The following GNRH1 variants were observed in gnomAD, a reference collection of about 807,000 sequenced individuals.
GNRH1 encodes the protein progonadoliberin-1.
In GNRH1, 9 loss-of-function variants were observed where a neutral mutation model predicts 13.6. The ratio of observed to expected loss-of-function variants is 0.66; its 90% CI spans 0.40 to 1.15. GNRH1 has a LOEUF of 1.15. GNRH1 is among the 50% of genes most tolerant of loss of function. The probability of loss-of-function intolerance (pLI) is 0.01; values close to 1 mark genes in which losing one functional copy is unlikely to be tolerated. For synonymous variants in GNRH1, 44 were observed against 40.1 expected (o/e 1.10, Z -0.37); for missense variants, 116 against 110.8 (o/e 1.05, Z -0.21).
intron 2 of GNRH1, 73 bp downstream of exon 2, chr8:25,423,117 C>T: frequency 9.2e-7 from 1 of 1,081,528 alleles, no homozygotes; most frequent in Non-Finnish European, 1.4e-6. Flanking sequence ...GACATTGGGG[C>T]TATCCTGAAT....
chr8:25,420,286 T>C (rs761388997), intron 3 of GNRH1, among the ~76,000 whole-genome samples: 13 of 151,702 alleles, frequency 8.6e-5, no homozygotes, highest in Admixed American at 3.9e-4. Context: ...TGGTGGCTCA[T>C]GCCTGTAATC....
chr8:25,420,508 C>T (rs760074391), intron 3 of GNRH1, among the ~76,000 whole-genome samples: 32 of 152,178 alleles, frequency 2.1e-4, no homozygotes, highest in Non-Finnish European at 2.9e-4. Context: ...TTTATTTGGG[C>T]TTTCCCAGCT....
At position 25,421,570 on chromosome 8, in the gene GNRH1, T is replaced by C. The variant is rs1271979684; in HGVS notation, c.237+3A>G. The C allele has an allele frequency of 4.7e-6, 7 of 1,498,614 alleles. No homozygotes were observed. Among genetic ancestry groups the C allele is most frequent in the African/African-American group, 1.4e-5 (1 of 72,518 alleles). The allele number at this position is 1,498,614 out of a possible 1,614,324, so 92.8% of individuals were successfully genotyped here. ...TGATCATGTTATGATCACTTTAACT[T>C]ACCAGAGCTCCTTTCAGGTCTCGGA... On this transcript the variant is annotated splice_donor_region_variant and intron_variant, in intron 3 of 3. Coordinates refer to ENST00000421054, the MANE Select transcript of GNRH1 (RefSeq NM_001083111.2).
intron 1 of GNRH1, 185 bp from the exon 2 acceptor site, chr8:25,423,516 C>G: frequency 1.6e-6 from 1 of 618,726 alleles, no homozygotes. Flanking sequence ...AGTTTCTTAG[C>G]CACTGGGGAC....
chr8:25,422,040 T>C (rs545938900), intron 2 of GNRH1, among the ~76,000 whole-genome samples: 2 of 152,324 alleles, frequency 1.3e-5, no homozygotes, highest in African/African-American at 2.4e-5. Context: ...TTTTACTAAA[T>C]ATGTTATAGT....
intron 2 of GNRH1, 100 bp from the exon 3 acceptor site, chr8:25,421,768 T>TTG: frequency 2.8e-6 from 1 of 352,600 alleles, no homozygotes; most frequent in Non-Finnish European, 5.6e-6. Flanking sequence ...TCAAGGGGGA[T>TTG]GTGGGGCTGG....
intron 1 of GNRH1, 94 bp from the exon 2 acceptor site, chr8:25,423,425 C>G: frequency 9.4e-7 from 1 of 1,067,394 alleles, no homozygotes; most frequent in South Asian, 1.3e-5. Flanking sequence ...ATCTGTATCA[C>G]TAACCCTGCA....
chr8:25,420,498 T>A (rs982677681), intron 3 of GNRH1, among the ~76,000 whole-genome samples: 2 of 152,208 alleles, frequency 1.3e-5, no homozygotes, highest in African/African-American at 4.8e-5. Context: ...TTATATATGA[T>A]TTATTTGGGC....
Position 25,419,358 on chromosome 8 carries a change from T to G in GNRH1, c.*61A>C. The G allele has an allele frequency of 1.1e-6, 1 of 899,644 alleles. No homozygotes were observed. The highest frequency in any genetic ancestry group is 1.9e-6 in the Non-Finnish European group (1 of 527,202). The allele number at this position is 899,644 out of a possible 1,614,324, so 55.7% of individuals were successfully genotyped here. ...CAGGTATTTAATGGGTTATAAATTT[T>G]CAATGTCAGAATTATACTTAAGTCA... On this transcript the variant is annotated 3_prime_UTR_variant, in exon 4 of 4. Coordinates refer to ENST00000421054, the MANE Select transcript of GNRH1 (RefSeq NM_001083111.2).
Position 25,421,631 on chromosome 8 carries a change from C to A in GNRH1, c.179G>T (p.Arg60Leu), listed in dbSNP as rs199693231. The A allele has an allele frequency of 4.4e-6, 7 of 1,605,824 alleles. No individual in the cohort carries two copies. The highest frequency in any genetic ancestry group is 4.3e-6 in the Non-Finnish European group (5 of 1,174,490). ...TGGCTGGTGCGTGGTGCATTCGAAG[C>A]GTTGGGTTTCTGCCAGTTGACCAAC... ...KEVGQLAETQRFECTTHQPRS... is the reference protein window; with the variant it reads ...KEVGQLAETQLFECTTHQPRS... The change falls in exon 3 of 4, where the codon CGC (arginine) becomes CTC (leucine). Residue 60 changes from arginine to leucine, a missense_variant. Transcript: ENST00000421054.
At chr8:25,423,146 G>A in intron 2 of GNRH1, 44 bp downstream of exon 2, 1 of 1,364,572 alleles carries the variant, frequency 7.3e-7, no homozygotes, top group Non-Finnish European at 1.0e-6. Flanking sequence ...TAGTTAAATT[G>A]AATAAAATCA....
At chr8:25,424,616 A>G (rs1801818838), upstream of GNRH1, 2 of 152,234 alleles carry the variant, frequency 1.3e-5, no homozygotes, top group Admixed American at 6.5e-5. Flanking sequence ...AAATGCATAC[A>G]TAACTTCCAC....
intron 2 of GNRH1, 122 bp downstream of exon 2, chr8:25,423,068 C>A (rs1353838720): frequency 1.2e-6 from 1 of 821,158 alleles, no homozygotes; most frequent in African/African-American, 1.7e-5. Context: ...AGTGCCTTAT[C>A]TCACCTGGAG....
chr8:25,423,636 G>T, intron 1 of GNRH1: 2 of 359,476 alleles, frequency 5.6e-6, no homozygotes, highest in African/African-American at 2.1e-5. Flanking sequence ...CCCTTATCAA[G>T]TTCATCATTT....
chr8:25,420,151 C>T (rs146560090), intron 3 of GNRH1, among the ~76,000 whole-genome samples: 4,315 of 152,192 alleles, frequency 0.028, 224 homozygotes, highest in African/African-American at 0.098. Context: ...CGTGGTGGCT[C>T]ATGCCTGTAA....
At chr8:25,421,928 G>T (rs923826673) in intron 2 of GNRH1, among the ~76,000 whole-genome samples, 5 of 151,638 alleles carry the variant, frequency 3.3e-5, no homozygotes, top group Non-Finnish European at 7.4e-5. Context: ...AAAGAGGGAG[G>T]CACTTTGAGC....
At chr8:25,420,520 C>T (rs1801757182) in intron 3 of GNRH1, among the ~76,000 whole-genome samples, 1 of 152,182 alleles carries the variant, frequency 6.6e-6, no homozygotes. Context: ...TTCCCAGCTC[C>T]TAGGCATAAC....
In GNRH1 at chr8:25,423,216, C is replaced by T. The variant is rs780022554; in HGVS notation, c.115G>A (p.Glu39Lys). The change falls in exon 2 of 4, where the codon GAA (glutamate) becomes AAA (lysine). Residue 39 changes from glutamate to lysine, a missense_variant. Glu to Lys is a moderately conservative substitution (Grantham distance 56). Transcript: ENST00000421054. ...TCTTGGAAAGAATCAATCAAATTTTCGGCATCTCTCTTTCCTCCAGGGCGC... is the reference window on the plus strand; with the variant it reads ...TCTTGGAAAGAATCAATCAAATTTTTGGCATCTCTCTTTCCTCCAGGGCGC... ...GLRPGGKRDAENLIDSFQEIV... is the reference protein window; with the variant it reads ...GLRPGGKRDAKNLIDSFQEIV... The T allele has an allele frequency of 1.1e-5, 17 of 1,612,144 alleles. No individual in the cohort carries two copies. Among genetic ancestry groups the T allele is most frequent in the African/African-American group, 2.7e-5 (2 of 74,864 alleles).
intron 2 of GNRH1, among the ~76,000 whole-genome samples, chr8:25,422,135 T>G (rs548656007): frequency 2.4e-4 from 37 of 152,300 alleles, no homozygotes; most frequent in Middle Eastern, 3.4e-3. Flanking sequence ...TCTTTATTAT[T>G]TCTCAGAAAA....
Sources: gnomAD v4.1 joint callset for allele counts (sites outside exome capture counted in the v4.1 genomes callset) on GRCh38, gnomAD v4.1.1 for gene constraint, MANE v1.5 for transcripts, NCBI Gene and HGNC (gene_info 2026-07-23, HGNC 2026-07-21) for gene names.